AP3B1: variants seen among roughly 807,000 people sequenced by gnomAD.
The protein encoded by AP3B1 is AP-3 complex subunit beta-1.
A neutral mutation model predicts 132.5 loss-of-function variants in AP3B1; 61 were observed. That is an observed-to-expected ratio of 0.46 (90% CI 0.37 to 0.57). AP3B1 has a LOEUF of 0.57. Among genes scored for constraint, AP3B1 ranks in the 20% least tolerant of loss-of-function variants. The pLI, the probability that AP3B1 is intolerant of heterozygous loss-of-function variation, is 0.00. For missense variants in AP3B1, 1,120 were observed against 1,289.4 expected (o/e 0.87, Z 2.01); for synonymous variants, 388 against 438.3 (o/e 0.89, Z 1.43).
intron 2 of AP3B1, among the ~76,000 whole-genome samples, chr5:78,248,703 T>C (rs754700678): frequency 5.3e-5 from 8 of 152,118 alleles, no homozygotes; most frequent in Non-Finnish European, 1.0e-4. Flanking sequence ...TGGTATCATT[T>C]CCCTTCAGCC....
intron 17 of AP3B1, among the ~76,000 whole-genome samples, chr5:78,125,635 TCA>T (rs1227914774): frequency 6.6e-6 from 1 of 152,168 alleles, no homozygotes; most frequent in Non-Finnish European, 1.5e-5. Context: ...GCCAATTGTC[TCA>T]GAGTCCAATA....
At chr5:78,283,674 A>G (rs1422787847) in intron 1 of AP3B1, among the ~76,000 whole-genome samples, 1 of 152,130 alleles carries the variant, frequency 6.6e-6, no homozygotes, top group Non-Finnish European at 1.5e-5. Context: ...ATGCCTAACT[A>G]TCAATTCAAA....
At chr5:78,008,384 T>C (rs1746483578) in intron 26 of AP3B1, among the ~76,000 whole-genome samples, 1 of 152,200 alleles carries the variant, frequency 6.6e-6, no homozygotes, top group African/African-American at 2.4e-5. Flanking sequence ...TAAATAAAAC[T>C]TAAATAGAGA....
At chr5:78,193,763 TATATA>T (rs1744956578) in intron 7 of AP3B1, among the ~76,000 whole-genome samples, 1 of 125,572 alleles carries the variant, frequency 8.0e-6, no homozygotes, top group African/African-American at 3.0e-5. Flanking sequence ...TATATATATA[TATATA>T]TATTTTTTTT....
intron 3 of AP3B1, among the ~76,000 whole-genome samples, chr5:78,240,340 C>T (rs1181946797): frequency 6.6e-6 from 1 of 152,108 alleles, no homozygotes; most frequent in Non-Finnish European, 1.5e-5. Flanking sequence ...TAATACTAGA[C>T]TATATTAGTG....
At chr5:78,171,515 C>T (rs1483893859) in intron 11 of AP3B1, among the ~76,000 whole-genome samples, 1 of 152,092 alleles carries the variant, frequency 6.6e-6, no homozygotes, top group Non-Finnish European at 1.5e-5. Context: ...TGGGAGTTCA[C>T]TCATTAATTT....
chr5:78,191,598 G>A (rs1474693149), intron 7 of AP3B1, among the ~76,000 whole-genome samples: 1 of 152,116 alleles, frequency 6.6e-6, no homozygotes, highest in Non-Finnish European at 1.5e-5. Flanking sequence ...ATCCATAATT[G>A]AGGTGATAAG....
At chr5:78,049,815 G>A (rs1047052756) in intron 22 of AP3B1, among the ~76,000 whole-genome samples, 3 of 152,120 alleles carry the variant, frequency 2.0e-5, no homozygotes, top group Non-Finnish European at 4.4e-5. Context: ...ATCAGTTAAA[G>A]TTACATCATG....
At chr5:78,148,761 C>A (rs1753520742) in intron 14 of AP3B1, among the ~76,000 whole-genome samples, 1 of 152,246 alleles carries the variant, frequency 6.6e-6, no homozygotes, top group African/African-American at 2.4e-5. Context: ...TTGCACCAAC[C>A]TCATAATCAT....
At chr5:78,015,744 G>A in intron 25 of AP3B1, 196 bp from the exon 26 acceptor site, 3 of 541,074 alleles carry the variant, frequency 5.5e-6, no homozygotes, top group Non-Finnish European at 9.7e-6. Context: ...TCATTGTATA[G>A]GAAAATGTGT....
At position 78,277,526 on chromosome 5, in the gene AP3B1, TG is replaced by T. The variant is rs1561216438; in HGVS notation, c.129-9932del. 2.0e-5 allele frequency among the ~76,000 whole-genome samples: 3 copies of T among 152,112 alleles called. No homozygotes were observed. The South Asian group carries it at 6.2e-4, about 32-fold the overall frequency. On this transcript the variant is annotated intron_variant, in intron 1 of 26. Transcript: ENST00000255194. ...AATAAGGAATGCAATAAAGTAAGAC[TG>T]GGTGATCACAAAAGACCTCCACGGA...
rs937698617 is a variant in AP3B1 at position 78,018,668 on chromosome 5, T to C, written c.2992+2024A>G. Among the ~76,000 whole-genome samples the C allele has an allele frequency of 1.9e-4, 25 of 133,556 alleles. 1 individual carries two copies. Among genetic ancestry groups the C allele is most frequent in the Non-Finnish European group, 3.6e-4 (23 of 63,378 alleles). The allele number at this position is 133,556 out of a possible 152,430, so 87.6% of individuals were successfully genotyped here. On this transcript the variant is annotated intron_variant, in intron 25 of 26. Transcript: ENST00000255194. ...AGGTAGAAAAATCGGTTAAAGCTGG[T>C]GTAACACACACACACACACACACAC...
intron 24 of AP3B1, among the ~76,000 whole-genome samples, chr5:78,024,626 G>A (rs1314477571): frequency 6.7e-6 from 1 of 148,180 alleles, no homozygotes; most frequent in Non-Finnish European, 1.5e-5. Context: ...GTGCAGTGGT[G>A]CAATCTCGGC....
At chr5:78,262,283 T>G (rs1748127314) in intron 2 of AP3B1, among the ~76,000 whole-genome samples, 1 of 152,206 alleles carries the variant, frequency 6.6e-6, no homozygotes, top group African/African-American at 2.4e-5. Context: ...GTGTTGTATC[T>G]AAGAATCCTA....
intron 22 of AP3B1, among the ~76,000 whole-genome samples, chr5:78,053,057 G>A (rs1040389522): frequency 1.3e-5 from 2 of 152,170 alleles, no homozygotes; most frequent in Admixed American, 6.5e-5. Flanking sequence ...GCATTGTTAA[G>A]CTGTGATTTG....
At chr5:78,172,798 G>A (rs1403414439) in intron 11 of AP3B1, among the ~76,000 whole-genome samples, 20 of 152,168 alleles carry the variant, frequency 1.3e-4, no homozygotes, top group Admixed American at 1.3e-3. Flanking sequence ...CTTGCCTTCT[G>A]CTAGCTGTTG....
intron 22 of AP3B1, among the ~76,000 whole-genome samples, chr5:78,068,238 G>A (rs1749376699): frequency 6.6e-6 from 1 of 152,104 alleles, no homozygotes; most frequent in South Asian, 2.1e-4. Flanking sequence ...CAAGAGAATC[G>A]CTTGAACCCC....
chr5:78,239,530 T>G (rs1266523412), intron 3 of AP3B1, among the ~76,000 whole-genome samples: 1 of 149,862 alleles, frequency 6.7e-6, no homozygotes, highest in African/African-American at 2.5e-5. Context: ...TCCTAGCACT[T>G]TGGGAGGCTG....
chr5:78,168,398 T>A (rs1000517192), intron 11 of AP3B1, among the ~76,000 whole-genome samples: 7 of 151,664 alleles, frequency 4.6e-5, no homozygotes, highest in African/African-American at 1.7e-4. Flanking sequence ...TTATTTTAAA[T>A]TTTTTTGTAG....
Sources: gnomAD v4.1 joint callset for allele counts (sites outside exome capture counted in the v4.1 genomes callset) on GRCh38, gnomAD v4.1.1 for gene constraint, MANE v1.5 for transcripts, NCBI Gene and HGNC (gene_info 2026-07-23, HGNC 2026-07-21) for gene names.